Variants in DCDC1 observed in about 807,000 individuals in gnomAD.
DCDC1 encodes doublecortin domain containing 1.
In DCDC1, 200 loss-of-function variants were observed where a neutral mutation model predicts 178.3. That is an observed-to-expected ratio of 1.12 (90% confidence interval 1.00 to 1.26). The LOEUF is 1.26. DCDC1 is among the 50% of genes most tolerant of loss of function. The pLI is 0.00. For synonymous variants in DCDC1, 690 were observed against 604.8 expected (o/e 1.14, Z -2.07); for missense variants, 1,983 against 1,749.2 (o/e 1.13, Z -2.38).
At chr11:31,335,357 C>T (rs7116006) in intron 2 of DCDC1, 90 bp downstream of exon 2, 43,375 of 151,998 alleles carry the variant, frequency 0.29, 6,278 homozygotes, top group African/African-American at 0.32. Flanking sequence ...CTTGCACTTC[C>T]GGGGTGAGGC....
intron 11 of DCDC1, among the ~76,000 whole-genome samples, chr11:31,112,421 C>T (rs1959193734): frequency 6.6e-6 from 1 of 152,094 alleles, no homozygotes; most frequent in African/African-American, 2.4e-5. Context: ...AGTAGTCTAC[C>T]TTTATTTTCT....
chr11:30,942,869 C>T (rs1449453350), intron 21 of DCDC1, among the ~76,000 whole-genome samples: 2 of 152,188 alleles, frequency 1.3e-5, no homozygotes, highest in East Asian at 3.9e-4. Flanking sequence ...GGTTTCAAAA[C>T]TTTACAAATG....
intron 27 of DCDC1, among the ~76,000 whole-genome samples, chr11:30,913,460 G>C (rs1449958573): frequency 1.3e-5 from 2 of 151,978 alleles, no homozygotes; most frequent in Non-Finnish European, 2.9e-5. Flanking sequence ...GGTGTCCCTA[G>C]AGGGGGACTT....
rs36100040 is a variant in DCDC1 at position 31,115,989 on chromosome 11, G to GC, written c.1486-5629_1486-5628insG. On this transcript the variant is annotated intron_variant, in intron 11 of 38. Transcript: ENST00000684477. ...GGATATAGCTGTGGCAGTGGGGGGGGGGGGGATGGGTATCTCAGTCCTGAG... is the reference window on the plus strand; with the variant it reads ...GGATATAGCTGTGGCAGTGGGGGGGGCGGGGGATGGGTATCTCAGTCCTGAG... 5.2e-5 allele frequency among the ~76,000 whole-genome samples: 7 copies of GC among 134,542 alleles called. No individual in the cohort carries two copies. The South Asian group carries it at 1.3e-3, about 26-fold the overall frequency. 88.3% of individuals were successfully genotyped at this position (134,542 alleles called of 152,430 possible).
intron 9 of DCDC1, among the ~76,000 whole-genome samples, chr11:31,163,137 A>T (rs75035151): frequency 0.019 from 2,903 of 152,248 alleles, 90 homozygotes; most frequent in African/African-American, 0.066. Flanking sequence ...TCCCATGGCA[A>T]CCCGAGATTT....
intron 17 of DCDC1, among the ~76,000 whole-genome samples, chr11:31,079,941 T>C (rs1957078154): frequency 6.6e-6 from 1 of 152,124 alleles, no homozygotes; most frequent in Non-Finnish European, 1.5e-5. Flanking sequence ...AGAGTTCTAA[T>C]AGTTATGTAA....
At chr11:31,204,207 T>TACATATTCATCCAC (rs1971618572) in intron 9 of DCDC1, among the ~76,000 whole-genome samples, 1 of 152,104 alleles carries the variant, frequency 6.6e-6, no homozygotes, top group African/African-American at 2.4e-5. Flanking sequence ...CCAAATTTGG[T>TACATATTCATCCAC]GGATGAATAA....
chr11:30,987,813 T>G (rs1950739559), intron 20 of DCDC1, among the ~76,000 whole-genome samples: 1 of 152,196 alleles, frequency 6.6e-6, no homozygotes, highest in South Asian at 2.1e-4. Flanking sequence ...GCATTTTTTT[T>G]TCTCATCAGC....
At chr11:31,210,840 T>C (rs988310676) in intron 9 of DCDC1, among the ~76,000 whole-genome samples, 7 of 152,042 alleles carry the variant, frequency 4.6e-5, no homozygotes, top group Non-Finnish European at 7.4e-5. Context: ...CTTCATTCAA[T>C]AAATAAAACC....
At chr11:31,345,813 A>G (rs2133254686) in intron 1 of DCDC1, among the ~76,000 whole-genome samples, 1 of 152,184 alleles carries the variant, frequency 6.6e-6, no homozygotes, top group East Asian at 1.9e-4. Context: ...TAATAGAAGA[A>G]TCATAGCTAA....
chr11:31,287,593 G>A (rs768812927), intron 7 of DCDC1, among the ~76,000 whole-genome samples: 1 of 151,878 alleles, frequency 6.6e-6, no homozygotes, highest in Non-Finnish European at 1.5e-5. Flanking sequence ...TACAAAGGAC[G>A]ATGAATCAGT....
At chr11:31,046,919 C>G (rs1385401983) in intron 20 of DCDC1, among the ~76,000 whole-genome samples, 1 of 152,112 alleles carries the variant, frequency 6.6e-6, no homozygotes, top group Admixed American at 6.6e-5. Flanking sequence ...AGAAATCAGA[C>G]TCTTTCACCT....
At chr11:31,065,188 C>T (rs375667557) in intron 18 of DCDC1, 35 bp from the exon 19 acceptor site, 3 of 679,452 alleles carry the variant, frequency 4.4e-6, no homozygotes, top group Non-Finnish European at 7.9e-6. Flanking sequence ...GTAGTATCAC[C>T]CTTATAAACA....
chr11:31,299,170 T>G (rs1414956495), intron 6 of DCDC1, among the ~76,000 whole-genome samples: 1 of 152,236 alleles, frequency 6.6e-6, no homozygotes, highest in African/African-American at 2.4e-5. Context: ...TCTAAATACT[T>G]GCGCTCTTTG....
chr11:31,145,908 G>A lies in DCDC1; in HGVS notation c.1222-8124C>T, dbSNP rs575567726. ...CGTTTTGTCTTTTTTCCTTGGCTTA[G>A]TCTATCAATACATTACATCACATGC... On this transcript the variant is annotated intron_variant, in intron 9 of 38. Coordinates refer to ENST00000684477, the MANE Select transcript of DCDC1 (RefSeq NM_001387274.1). 2.0e-5 allele frequency among the ~76,000 whole-genome samples: 3 copies of A among 152,044 alleles called. No homozygotes were observed. The East Asian group carries it at 5.8e-4, about 29-fold the overall frequency.
chr11:31,215,644 T>C (rs1027281194), intron 9 of DCDC1, among the ~76,000 whole-genome samples: 2 of 151,930 alleles, frequency 1.3e-5, no homozygotes, highest in Non-Finnish European at 2.9e-5. Flanking sequence ...ATACAAAAAA[T>C]TAGCCGGGCA....
chr11:31,347,736 A>C (rs1950885514), intron 1 of DCDC1, among the ~76,000 whole-genome samples: 1 of 152,136 alleles, frequency 6.6e-6, no homozygotes, highest in Non-Finnish European at 1.5e-5. Context: ...TCAGGTGGCC[A>C]AGATAGAAGG....
chr11:31,185,454 A>G (rs1165907753), intron 9 of DCDC1, among the ~76,000 whole-genome samples: 1 of 152,188 alleles, frequency 6.6e-6, no homozygotes, highest in Admixed American at 6.5e-5. Context: ...AAATAAAATA[A>G]AGATTAGCAG....
intron 1 of DCDC1, among the ~76,000 whole-genome samples, chr11:31,352,182 A>G (rs1397166484): frequency 6.6e-6 from 1 of 152,130 alleles, no homozygotes; most frequent in African/African-American, 2.4e-5. Flanking sequence ...GTAAGGTAAC[A>G]AAACAGTGCT....
Sources: gnomAD v4.1 joint callset for allele counts (sites outside exome capture counted in the v4.1 genomes callset) on GRCh38, gnomAD v4.1.1 for gene constraint, MANE v1.5 for transcripts, NCBI Gene and HGNC (gene_info 2026-07-23, HGNC 2026-07-21) for gene names.